Variants in SYNJ2BP observed in about 807,000 individuals in gnomAD.
SYNJ2BP encodes synaptojanin 2 binding protein, also known as synaptojanin-2-binding protein.
SYNJ2BP carries 10 observed loss-of-function variants against 16.9 expected under a neutral mutation model. The observed-to-expected ratio is 0.59, with a 90% CI of 0.36 to 1.00. The LOEUF (loss-of-function observed/expected upper bound fraction) is 1.00. Among genes scored for constraint, SYNJ2BP ranks in the 50% least tolerant of loss-of-function variants. The pLI, the probability that SYNJ2BP is intolerant of heterozygous loss-of-function variation, is 0.01. For synonymous variants in SYNJ2BP, 54 were observed against 68.4 expected, an observed-to-expected ratio of 0.79 and a Z score of 1.04; for missense variants, 162 against 186.7, an observed-to-expected ratio of 0.87 and a Z score of 0.77.
chr14:70,377,726 T>TCA (rs59147970), intron 2 of SYNJ2BP, among the ~76,000 whole-genome samples: 134,648 of 152,114 alleles, frequency 0.89, 59,752 homozygotes, highest in African/African-American at 0.96. Context: ...CTTACAAAAC[T>TCA]CACAGACACT....
intron 2 of SYNJ2BP, among the ~76,000 whole-genome samples, chr14:70,377,462 A>G (rs145673892): frequency 6.1e-4 from 93 of 152,346 alleles, no homozygotes; most frequent in African/African-American, 2.1e-3. Flanking sequence ...ATAAACACGC[A>G]GTGATAGCTG....
chr14:70,388,926 C>CTTTTTTTTT (rs201784694), intron 1 of SYNJ2BP, among the ~76,000 whole-genome samples: 1 of 137,408 alleles, frequency 7.3e-6, no homozygotes, highest in Non-Finnish European at 1.6e-5. Context: ...TCTTCTTTTT[C>CTTTTTTTTT]TTTTTTTTTT....
Position 70,367,265 on chromosome 14 carries a change from T to C in SYNJ2BP, c.*5726A>G, listed in dbSNP as rs142166761. 6 of 152,258 alleles carry C rather than the reference T, an allele frequency of 3.9e-5. No individual in the cohort carries two copies. In the East Asian group the frequency reaches 9.6e-4, roughly 24 times the overall value. 9.4% of individuals were successfully genotyped at this position (152,258 alleles called of 1,614,324 possible). A position where few individuals can be genotyped will look rare whatever the true frequency, so the allele number is the denominator to read the frequency against. On this transcript the variant is annotated 3_prime_UTR_variant, in exon 4 of 4. Coordinates refer to ENST00000256366, the MANE Select transcript of SYNJ2BP (RefSeq NM_018373.3). ...AGCAAATCAAGTGCTTTGTGTTCTG[T>C]ATATAAATTACATAATACAAGAGTC...
rs977398170 is a variant in SYNJ2BP at position 70,417,054 on chromosome 14, G to A, written c.-91C>T. 2.5e-6 allele frequency: 4 copies of A among 1,600,308 alleles called. No individual in the cohort carries two copies. Among genetic ancestry groups the A allele is most frequent in the East Asian group, 2.2e-5 (1 of 44,552 alleles). On this transcript the variant is annotated 5_prime_UTR_variant, in exon 1 of 4. Coordinates refer to ENST00000256366, the MANE Select transcript of SYNJ2BP (RefSeq NM_018373.3). ...ATCTCGGCGCTGCGCCCACAGCACA[G>A]CGGTTTCGGTTTCAGCAGCCTCGAG...
intron 1 of SYNJ2BP, among the ~76,000 whole-genome samples, chr14:70,401,964 TC>T (rs1205304216): frequency 6.6e-6 from 1 of 152,200 alleles, no homozygotes; most frequent in Non-Finnish European, 1.5e-5. Context: ...TTGTTCTATT[TC>T]TTTCCACTCT....
At chr14:70,397,196 G>A (rs1028292592) in intron 1 of SYNJ2BP, among the ~76,000 whole-genome samples, 1 of 152,102 alleles carries the variant, frequency 6.6e-6, no homozygotes, top group African/African-American at 2.4e-5. Flanking sequence ...ACTTCTGCAT[G>A]TGAATATACA....
intron 1 of SYNJ2BP, 76 bp from the exon 2 acceptor site, chr14:70,388,682 G>A: frequency 7.1e-7 from 1 of 1,399,200 alleles, no homozygotes; most frequent in Non-Finnish European, 9.3e-7. Context: ...AAGAGAAAGG[G>A]AGGGAAAGCC....
chr14:70,395,883 A>G (rs1888079696), intron 1 of SYNJ2BP, among the ~76,000 whole-genome samples: 1 of 152,198 alleles, frequency 6.6e-6, no homozygotes, highest in South Asian at 2.1e-4. Flanking sequence ...GAATCACACA[A>G]TATTTGTTAT....
intron 1 of SYNJ2BP, among the ~76,000 whole-genome samples, chr14:70,408,875 C>T (rs113972995): frequency 0.02 from 3,035 of 152,092 alleles, 108 homozygotes; most frequent in African/African-American, 0.069. Flanking sequence ...GCTGTATCGC[C>T]CAGGCTGGAA....
At chr14:70,401,732 G>A (rs1020576986) in intron 1 of SYNJ2BP, among the ~76,000 whole-genome samples, 2 of 151,672 alleles carry the variant, frequency 1.3e-5, no homozygotes, top group Admixed American at 1.3e-4. Flanking sequence ...AGCCTCAATC[G>A]CCCAGGCTCA....
chr14:70,378,047 G>A (rs1344109290), intron 2 of SYNJ2BP, among the ~76,000 whole-genome samples: 1 of 152,132 alleles, frequency 6.6e-6, no homozygotes, highest in Non-Finnish European at 1.5e-5. Flanking sequence ...TTTGTCTTCA[G>A]ACCACCTCCT....
At chr14:70,373,358 C>T (rs1887558536) in intron 3 of SYNJ2BP, among the ~76,000 whole-genome samples, 1 of 152,026 alleles carries the variant, frequency 6.6e-6, no homozygotes, top group African/African-American at 2.4e-5. Flanking sequence ...ACCTTGCTGA[C>T]CTAAAGGGAC....
intron 1 of SYNJ2BP, among the ~76,000 whole-genome samples, chr14:70,404,253 G>C (rs1455937704): frequency 6.6e-6 from 1 of 152,066 alleles, no homozygotes; most frequent in Non-Finnish European, 1.5e-5. Flanking sequence ...CTCTACTCCA[G>C]CCTAGGTGAC....
intron 1 of SYNJ2BP, among the ~76,000 whole-genome samples, chr14:70,401,611 CATA>C (rs1441306522): frequency 6.8e-6 from 1 of 147,810 alleles, no homozygotes; most frequent in Non-Finnish European, 1.5e-5. Context: ...ATCTTGCTGG[CATA>C]ATTTTTGCTG....
Position 70,410,399 on chromosome 14 carries a change from C to T in SYNJ2BP, c.64+6501G>A, listed in dbSNP as rs189985789. Among the ~76,000 whole-genome samples, 88 of 152,144 alleles carry T rather than the reference C, an allele frequency of 5.8e-4. 1 individual carries two copies. Among genetic ancestry groups the T allele is most frequent in the Middle Eastern group, 6.8e-3 (2 of 294 alleles). The stretch of plus-strand genomic sequence containing the variant: ...AGATCGTGCCACTGCACTCCAGCCT[C>T]GGTGACAAAGTAAGACCCTATGTCA... On this transcript the variant is annotated intron_variant, in intron 1 of 3. Transcript: ENST00000256366.
At chr14:70,382,682 T>C (rs1002378554) in intron 2 of SYNJ2BP, among the ~76,000 whole-genome samples, 3 of 152,230 alleles carry the variant, frequency 2.0e-5, no homozygotes, top group Non-Finnish European at 4.4e-5. Context: ...ATAAGGTTTA[T>C]TGAACCTAAG....
At position 70,372,786 on chromosome 14, in the gene SYNJ2BP, C is replaced by A. The variant is rs916583745; in HGVS notation, c.*205G>T. ...ACTCCTCATTTGTTCTAAGCCAAGTCTTTTCTTCAGTTTTCCTTCAAACAA... is the reference window on the plus strand; with the variant it reads ...ACTCCTCATTTGTTCTAAGCCAAGTATTTTCTTCAGTTTTCCTTCAAACAA... On this transcript the variant is annotated 3_prime_UTR_variant, in exon 4 of 4. Transcript: ENST00000256366. 9 of 702,582 alleles carry A rather than the reference C, an allele frequency of 1.3e-5. No homozygotes were observed. Among genetic ancestry groups the A allele is most frequent in the Non-Finnish European group, 1.8e-5 (8 of 448,822 alleles). The allele number at this position is 702,582 out of a possible 1,614,324, so 43.5% of individuals were successfully genotyped here. A position where few individuals can be genotyped will look rare whatever the true frequency, so the allele number is the denominator to read the frequency against.
chr14:70,411,441 T>C (rs1393412922), intron 1 of SYNJ2BP, among the ~76,000 whole-genome samples: 1 of 152,172 alleles, frequency 6.6e-6, no homozygotes, highest in Non-Finnish European at 1.5e-5. Context: ...AGAATCCAGA[T>C]AGAACTTTAG....
chr14:70,400,867 T>C (rs974604569), intron 1 of SYNJ2BP, among the ~76,000 whole-genome samples: 5 of 152,204 alleles, frequency 3.3e-5, no homozygotes, highest in African/African-American at 1.2e-4. Context: ...ATTTCTAACA[T>C]AGCTAGGGGT....
Sources: gnomAD v4.1 joint callset for allele counts (sites outside exome capture counted in the v4.1 genomes callset) on GRCh38, gnomAD v4.1.1 for gene constraint, MANE v1.5 for transcripts, NCBI Gene and HGNC (gene_info 2026-07-23, HGNC 2026-07-21) for gene names.